The following SPARCL1 variants were observed in gnomAD, a reference collection of about 807,000 sequenced individuals.
The protein encoded by SPARCL1 is SPARC-like protein 1.
A neutral mutation model predicts 67.1 loss-of-function variants in SPARCL1; 52 were observed. The observed-to-expected ratio is 0.78, with a 90% CI of 0.62 to 0.98. The LOEUF is 0.98. Ranked by LOEUF, SPARCL1 falls within the 50% of genes least tolerant of loss-of-function variation. SPARCL1 has a pLI of 0.00. For synonymous variants in SPARCL1, 226 were observed against 267.8 expected, an observed-to-expected ratio of 0.84 and a Z score of 1.52; for missense variants, 717 against 782.4, an observed-to-expected ratio of 0.92 and a Z score of 1.00.
At chr4:87,509,786 C>T (rs1725268833) in intron 1 of SPARCL1, among the ~76,000 whole-genome samples, 1 of 152,224 alleles carries the variant, frequency 6.6e-6, no homozygotes, top group Non-Finnish European at 1.5e-5. Flanking sequence ...TCTGTGTGTG[C>T]ACGCATGTGT....
intron 1 of SPARCL1, chr4:87,505,065 G>C (rs1405183085): frequency 1.3e-5 from 2 of 152,162 alleles, no homozygotes; most frequent in African/African-American, 2.4e-5. Flanking sequence ...GCATTAAACT[G>C]TCAGGAGAGC....
chr4:87,507,914 T>G (rs1725168501), intron 1 of SPARCL1, among the ~76,000 whole-genome samples: 1 of 152,240 alleles, frequency 6.6e-6, no homozygotes, highest in Non-Finnish European at 1.5e-5. Context: ...TTTACTGGTT[T>G]ATAATAAAGG....
At chr4:87,526,344 A>G (rs1726041677) in intron 1 of SPARCL1, among the ~76,000 whole-genome samples, 2 of 152,298 alleles carry the variant, frequency 1.3e-5, no homozygotes, top group South Asian at 4.1e-4. Context: ...CTTGATCTCC[A>G]TTGTTACTAC....
At chr4:87,521,172 T>G (rs1725798696) in intron 1 of SPARCL1, among the ~76,000 whole-genome samples, 2 of 152,170 alleles carry the variant, frequency 1.3e-5, no homozygotes, top group South Asian at 4.1e-4. Context: ...GTTCCTATAG[T>G]TTTTTAGAAC....
intron 2 of SPARCL1, chr4:87,497,338 G>C (rs1379399652): frequency 5.1e-6 from 2 of 391,848 alleles, no homozygotes; most frequent in African/African-American, 2.2e-5. Context: ...TGCCAGCAGG[G>C]GGCATCATAG....
Position 87,480,355 on chromosome 4 carries a change from A to G in SPARCL1, c.1817+17T>C, listed in dbSNP as rs200887061. 1.4e-5 allele frequency: 21 copies of G among 1,530,926 alleles called. No homozygotes were observed. In the East Asian group the frequency reaches 4.6e-4, roughly 34 times the overall value. The allele number at this position is 1,530,926 out of a possible 1,614,324, so 94.8% of individuals were successfully genotyped here. ...CAGAGAGATAAATCTAGAAATGGAA[A>G]GGTAAAGAGTTCTTACCTATCCATA... On this transcript the variant is annotated intron_variant, in intron 9 of 10. Coordinates refer to ENST00000282470, the MANE Select transcript of SPARCL1 (RefSeq NM_004684.6).
chr4:87,493,624 TTC>T lies in SPARCL1; in HGVS notation c.1174_1175del (p.Glu392LysfsTer2), dbSNP rs1724449093. On this transcript the variant is annotated frameshift_variant, in exon 4 of 11. Coordinates refer to ENST00000282470, the MANE Select transcript of SPARCL1 (RefSeq NM_004684.6). LOFTEE classifies it high-confidence loss of function. ...GCTCAGTGGTACCTATATTTTCATT[TTC>T]ATGTACTTTTTCTCTTTGCTCCTCA... ...KIEEQREKVH[E>X]NENIGTTEPG... 2 of 1,613,488 alleles carry T rather than the reference TTC, an allele frequency of 1.2e-6. No individual in the cohort carries two copies. Among genetic ancestry groups the T allele is most frequent in the African/African-American group, 2.7e-5 (2 of 74,890 alleles).
rs1230256353 is a variant in SPARCL1 at position 87,473,522 on chromosome 4, T to C, written c.*253A>G. The C allele has an allele frequency of 1.2e-5, 4 of 339,484 alleles. No homozygotes were observed. Among genetic ancestry groups the C allele is most frequent in the Non-Finnish European group, 1.6e-5 (3 of 188,554 alleles). The allele number at this position is 339,484 out of a possible 1,614,324, so 21.0% of individuals were successfully genotyped here. On this transcript the variant is annotated 3_prime_UTR_variant, in exon 11 of 11. Coordinates refer to ENST00000282470, the MANE Select transcript of SPARCL1 (RefSeq NM_004684.6). ...AAGTCAATGCAGAGAGTGAAATTAC[T>C]ATGAATTAAACTTCTGTTCACAATG...
At chr4:87,495,182 A>G in intron 2 of SPARCL1, 55 bp from the exon 3 acceptor site, 1 of 1,475,920 alleles carries the variant, frequency 6.8e-7, no homozygotes, top group East Asian at 2.3e-5. Flanking sequence ...TAATTTACAA[A>G]TTTGCTAGTT....
chr4:87,517,582 T>A (rs1293467564), intron 1 of SPARCL1, among the ~76,000 whole-genome samples: 1 of 152,222 alleles, frequency 6.6e-6, no homozygotes, highest in African/African-American at 2.4e-5. Context: ...ACCCCTGTAA[T>A]TTCTTTCCCC....
intron 1 of SPARCL1, among the ~76,000 whole-genome samples, chr4:87,499,909 A>G (rs1339577585): frequency 3.3e-5 from 5 of 151,924 alleles, no homozygotes; most frequent in Non-Finnish European, 5.9e-5. Flanking sequence ...AAAAAAAGTC[A>G]TATGTCAAGG....
intron 8 of SPARCL1, among the ~76,000 whole-genome samples, chr4:87,480,820 CT>C (rs1553967987): frequency 0.043 from 5,704 of 133,188 alleles, 95 homozygotes; most frequent in African/African-American, 0.062. Context: ...ATGTTCGCTG[CT>C]TTTTTTTTTT....
At chr4:87,524,429 T>A (rs939516242) in intron 1 of SPARCL1, among the ~76,000 whole-genome samples, 1 of 152,166 alleles carries the variant, frequency 6.6e-6, no homozygotes, top group African/African-American at 2.4e-5. Flanking sequence ...ACCCTCCTGG[T>A]CTTAAAGTGT....
At chr4:87,479,366 T>C in intron 10 of SPARCL1, 64 bp downstream of exon 10, 1 of 1,541,588 alleles carries the variant, frequency 6.5e-7, no homozygotes, top group Non-Finnish European at 8.8e-7. Context: ...CTATGAAGCA[T>C]GCAGGGCTTA....
At chr4:87,474,984 C>T (rs549838243) in intron 10 of SPARCL1, among the ~76,000 whole-genome samples, 5 of 152,246 alleles carry the variant, frequency 3.3e-5, no homozygotes, top group South Asian at 2.1e-4. Flanking sequence ...ACTCGTGATC[C>T]GCCTGCCTCA....
chr4:87,495,161 T>A, intron 2 of SPARCL1, 34 bp from the exon 3 acceptor site: 1 of 1,578,242 alleles, frequency 6.3e-7, no homozygotes, highest in East Asian at 2.2e-5. Context: ...TTGTTATTCA[T>A]GTCTGGATGC....
chr4:87,476,345 C>G (rs1054613678), intron 10 of SPARCL1, among the ~76,000 whole-genome samples: 1 of 152,112 alleles, frequency 6.6e-6, no homozygotes, highest in Admixed American at 6.5e-5. Flanking sequence ...TAAAATATAT[C>G]TTGAATATGT....
intron 1 of SPARCL1, among the ~76,000 whole-genome samples, chr4:87,516,525 A>C (rs974748807): frequency 2.0e-5 from 3 of 152,194 alleles, no homozygotes; most frequent in African/African-American, 7.2e-5. Flanking sequence ...ACTATATGCC[A>C]GGTTCTATGC....
Position 87,480,518 on chromosome 4 carries a change from G to T in SPARCL1, c.1671C>A (p.Val557=), listed in dbSNP as rs376202999. Residue 557 remains valine (V), a splice_region_variant and synonymous_variant, in exon 9 of 11, where the codon GTC becomes GTA. Transcript: ENST00000282470. Reference sequence around the variant, plus strand: ...TCTTTTCATCCAGGTAAATTTTCTTGACCTGGGATTAGGAAGGCAGAAGAC... The same window carrying T: ...TCTTTTCATCCAGGTAAATTTTCTTTACCTGGGATTAGGAAGGCAGAAGAC... The part of the protein sequence containing the change: ...GYLNEKQRNK[V]KKIYLDEKRL... The T allele has an allele frequency of 1.9e-6, 3 of 1,606,378 alleles. No homozygotes were observed. The highest frequency in any genetic ancestry group is 1.3e-5 in the African/African-American group (1 of 74,472).
Sources: allele counts gnomAD v4.1 joint callset (sites outside exome capture counted in the v4.1 genomes callset), GRCh38; gene constraint gnomAD v4.1.1; transcripts MANE v1.5; gene names NCBI Gene and HGNC (gene_info 2026-07-23, HGNC 2026-07-21).